The following LINGO2 variants were observed in gnomAD, a reference collection of about 807,000 sequenced individuals.
The protein encoded by LINGO2 is leucine rich repeat and Ig domain containing 2, also known as leucine-rich repeat and immunoglobulin-like domain-containing nogo receptor-interacting protein 2.
A neutral mutation model predicts 30.6 loss-of-function variants in LINGO2; 14 were observed. The ratio of observed to expected loss-of-function variants is 0.46; its 90% CI spans 0.30 to 0.72. LINGO2 has a LOEUF of 0.72. Among genes scored for constraint, LINGO2 ranks in the 30% least tolerant of loss-of-function variants. The pLI is 0.07. For missense variants in LINGO2, 729 were observed against 751.7 expected, an observed-to-expected ratio of 0.97 and a Z score of 0.35; for synonymous variants, 317 against 288.5, an observed-to-expected ratio of 1.10 and a Z score of -1.00.
At chr9:28,326,170 C>T (rs537433084) in intron 3 of LINGO2, among the ~76,000 whole-genome samples, 5 of 152,098 alleles carry the variant, frequency 3.3e-5, no homozygotes, top group African/African-American at 1.2e-4. Context: ...CCATATGTGA[C>T]TAATTTTTGT....
the LINGO2 span, among the ~76,000 whole-genome samples, chr9:28,719,450 G>A: frequency 1.3e-5 from 2 of 151,966 alleles, no homozygotes; most frequent in African/African-American, 2.4e-5. Flanking sequence ...CAGCACTGCA[G>A]CAGCTCCTCC....
intron 4 of LINGO2, among the ~76,000 whole-genome samples, chr9:28,042,102 TAC>T (rs1824223107): frequency 6.6e-6 from 1 of 152,222 alleles, no homozygotes; most frequent in Non-Finnish European, 1.5e-5. Context: ...TTTAATCAAA[TAC>T]AGTGTATAAA....
At chr9:28,506,361 AAAG>A (rs1235508652) in intron 1 of LINGO2, among the ~76,000 whole-genome samples, 3 of 148,092 alleles carry the variant, frequency 2.0e-5, no homozygotes, top group Admixed American at 1.4e-4. Context: ...CTAAGATTGC[AAAG>A]AAGATCTTCT....
the LINGO2 span, among the ~76,000 whole-genome samples, chr9:29,091,993 G>A: frequency 8.5e-5 from 13 of 152,052 alleles, no homozygotes; most frequent in South Asian, 2.1e-3. Context: ...AGTTAGTCAC[G>A]TGGTAGTCCA....
At chr9:28,013,125 G>A (rs1016061192) in intron 4 of LINGO2, among the ~76,000 whole-genome samples, 6 of 152,192 alleles carry the variant, frequency 3.9e-5, no homozygotes, top group African/African-American at 1.4e-4. Flanking sequence ...GTACCCGAGT[G>A]TATTTTCTGA....
intron 1 of LINGO2, among the ~76,000 whole-genome samples, chr9:28,497,733 C>G (rs373003183): frequency 6.6e-6 from 1 of 152,140 alleles, no homozygotes; most frequent in African/African-American, 2.4e-5. Context: ...GGTAGAGGCA[C>G]TCTGATTTTT....
the LINGO2 span, among the ~76,000 whole-genome samples, chr9:28,891,377 G>A: frequency 1.3e-5 from 2 of 151,720 alleles, no homozygotes; most frequent in Non-Finnish European, 2.9e-5. Flanking sequence ...TGTCATTATT[G>A]AGGGTAAGGA....
the LINGO2 span, among the ~76,000 whole-genome samples, chr9:28,730,462 A>C: frequency 6.6e-5 from 10 of 152,224 alleles, no homozygotes; most frequent in Non-Finnish European, 1.5e-4. Context: ...ACTGTTAACT[A>C]AATGTTTGTG....
intron 4 of LINGO2, among the ~76,000 whole-genome samples, chr9:28,202,677 C>T (rs10812754): frequency 0.32 from 49,026 of 151,928 alleles, 9,141 homozygotes; most frequent in East Asian, 0.47. Flanking sequence ...AATCATGTGA[C>T]TTTGTTAACA....
chr9:28,795,437 AAAT>A, the LINGO2 span, among the ~76,000 whole-genome samples: 2 of 152,106 alleles, frequency 1.3e-5, no homozygotes, highest in Admixed American at 1.3e-4. Context: ...TCCATGACAA[AAAT>A]AATAATTATT....
intron 4 of LINGO2, among the ~76,000 whole-genome samples, chr9:28,291,567 A>G (rs1486722085): frequency 6.6e-6 from 1 of 152,220 alleles, no homozygotes; most frequent in Non-Finnish European, 1.5e-5. Flanking sequence ...GGAATAATAC[A>G]TATCTGAAAT....
At chr9:29,133,626 A>G in the LINGO2 span, among the ~76,000 whole-genome samples, 1 of 152,140 alleles carries the variant, frequency 6.6e-6, no homozygotes, top group Non-Finnish European at 1.5e-5. Flanking sequence ...AAGAAATAGT[A>G]TCCTCTTTAG....
the LINGO2 span, among the ~76,000 whole-genome samples, chr9:28,971,905 G>A: frequency 6.6e-6 from 1 of 152,202 alleles, no homozygotes. Context: ...AGCCACAAGG[G>A]TGCTTGTGTC....
At chr9:28,348,416 C>A (rs188877761) in intron 3 of LINGO2, among the ~76,000 whole-genome samples, 2 of 152,278 alleles carry the variant, frequency 1.3e-5, no homozygotes, top group Admixed American at 1.3e-4. Context: ...GGGTCACTCC[C>A]ACCAGAATAC....
intron 4 of LINGO2, among the ~76,000 whole-genome samples, chr9:28,197,699 G>A (rs907954347): frequency 3.3e-5 from 5 of 151,826 alleles, no homozygotes; most frequent in Non-Finnish European, 4.4e-5. Flanking sequence ...TAAAAGGAAA[G>A]AGTAAATGAA....
intron 4 of LINGO2, among the ~76,000 whole-genome samples, chr9:28,132,856 CACTTACGTGA>C (rs1827415009): frequency 6.6e-6 from 1 of 152,176 alleles, no homozygotes; most frequent in African/African-American, 2.4e-5. Flanking sequence ...TTTCAGTGGG[CACTTACGTGA>C]ATAGTGACAG....
the LINGO2 span, among the ~76,000 whole-genome samples, chr9:29,196,069 G>A: frequency 6.6e-6 from 1 of 152,174 alleles, no homozygotes; most frequent in African/African-American, 2.4e-5. Flanking sequence ...ATACTTTACA[G>A]GTTTTGGACA....
chr9:28,268,590 A>G (rs1822835399), intron 4 of LINGO2, among the ~76,000 whole-genome samples: 1 of 152,142 alleles, frequency 6.6e-6, no homozygotes, highest in Non-Finnish European at 1.5e-5. Context: ...CTACAGTGAT[A>G]ATTTTTCCTG....
chr9:29,164,302 G>A, the LINGO2 span, among the ~76,000 whole-genome samples: 1 of 152,118 alleles, frequency 6.6e-6, no homozygotes, highest in East Asian at 1.9e-4. Flanking sequence ...ACAAGTAATT[G>A]TTCTTCTAAG....
Sources: allele counts gnomAD v4.1 joint callset (sites outside exome capture counted in the v4.1 genomes callset), GRCh38; gene constraint gnomAD v4.1.1; transcripts MANE v1.5; gene names NCBI Gene and HGNC (gene_info 2026-07-23, HGNC 2026-07-21).